Variants in NELL1 observed in about 807,000 individuals in gnomAD.
NELL1 encodes the protein protein kinase C-binding protein NELL1.
NELL1 carries 76 observed loss-of-function variants against 107.4 expected under a neutral mutation model. The observed-to-expected ratio is 0.71, with a 90% confidence interval of 0.59 to 0.86. The LOEUF is 0.86. NELL1 is among the 40% of genes least tolerant of loss of function. NELL1 has a pLI of 0.00. For synonymous variants in NELL1, 353 were observed against 341.2 expected, an observed-to-expected ratio of 1.03 and a Z score of -0.38; for missense variants, 1,024 against 1,005.5, an observed-to-expected ratio of 1.02 and a Z score of -0.25.
chr11:20,956,503 G>A (rs1453555624), intron 11 of NELL1, among the ~76,000 whole-genome samples: 1 of 151,480 alleles, frequency 6.6e-6, no homozygotes, highest in Non-Finnish European at 1.5e-5. Context: ...AAAATTAGCC[G>A]GGCATGGTGG....
chr11:21,486,235 T>G (rs1854628942), intron 15 of NELL1, among the ~76,000 whole-genome samples: 1 of 152,104 alleles, frequency 6.6e-6, no homozygotes, highest in Non-Finnish European at 1.5e-5. Flanking sequence ...CAGACAGGCA[T>G]GCTCAGCTGA....
chr11:21,170,702 G>C (rs927443809), intron 13 of NELL1, among the ~76,000 whole-genome samples: 2 of 44,218 alleles, frequency 4.5e-5, no homozygotes, highest in African/African-American at 1.5e-4. Context: ...TATATATACT[G>C]TATTATATAT....
intron 12 of NELL1, among the ~76,000 whole-genome samples, chr11:21,057,240 A>T (rs1457066837): frequency 6.6e-6 from 1 of 152,100 alleles, no homozygotes; most frequent in African/African-American, 2.4e-5. Flanking sequence ...TTTCTCTGCT[A>T]ATCAAATATA....
At position 21,570,667 on chromosome 11, in the gene NELL1, CA is replaced by C. The variant is rs986513246; in HGVS notation, c.1981-96del. 6 of 1,134,296 alleles carry C rather than the reference CA, an allele frequency of 5.3e-6. No homozygotes were observed. In the South Asian group the frequency reaches 7.3e-5, roughly 14 times the overall value. The allele number at this position is 1,134,296 out of a possible 1,614,324, so 70.3% of individuals were successfully genotyped here. A position where few individuals can be genotyped will look rare whatever the true frequency, so the allele number is the denominator to read the frequency against. On this transcript the variant is annotated intron_variant, in intron 17 of 19. Coordinates refer to ENST00000357134, the MANE Select transcript of NELL1 (RefSeq NM_006157.5). The stretch of plus-strand genomic sequence containing the variant: ...AGTTTTGAACAGAATGAGAGGTGGC[CA>C]GGGGGTGACCAAACATCCAAGAAGT...
intron 16 of NELL1, among the ~76,000 whole-genome samples, chr11:21,537,440 T>C (rs2133974361): frequency 6.6e-6 from 1 of 152,272 alleles, no homozygotes; most frequent in South Asian, 2.1e-4. Context: ...TTTACTGTTC[T>C]CTCTGTCTGG....
intron 13 of NELL1, among the ~76,000 whole-genome samples, chr11:21,138,377 G>C (rs1855791289): frequency 6.6e-6 from 1 of 152,098 alleles, no homozygotes. Flanking sequence ...GCAATAGCCT[G>C]TGCATTTGTA....
rs1850304034 is a variant in NELL1, at chr11:20,918,374, A to G, written c.676+120A>G. The G allele has an allele frequency of 6.3e-6, 4 of 636,948 alleles. No homozygotes were observed. The South Asian group carries it at 7.6e-5, about 12-fold the overall frequency. The allele number at this position is 636,948 out of a possible 1,614,324, so 39.5% of individuals were successfully genotyped here. On this transcript the variant is annotated intron_variant, in intron 6 of 19. Transcript: ENST00000357134. The stretch of plus-strand genomic sequence containing the variant: ...TGTTGACTTCTGAGGTGCTGGAGAT[A>G]GTGAAAGAGAACTTATTATCTACAT...
At chr11:21,299,801 G>A (rs944724040) in intron 14 of NELL1, among the ~76,000 whole-genome samples, 1 of 151,780 alleles carries the variant, frequency 6.6e-6, no homozygotes, top group African/African-American at 2.4e-5. Context: ...TTTATTTATG[G>A]ACATTGTAAT....
intron 2 of NELL1, among the ~76,000 whole-genome samples, chr11:20,711,554 A>G (rs1381558337): frequency 6.6e-6 from 1 of 151,240 alleles, no homozygotes; most frequent in African/African-American, 2.4e-5. Flanking sequence ...TCCTTTTAGC[A>G]TTTCTTGTAG....
At chr11:21,028,094 GT>G (rs1259301710) in intron 12 of NELL1, among the ~76,000 whole-genome samples, 7 of 152,090 alleles carry the variant, frequency 4.6e-5, no homozygotes, top group African/African-American at 1.7e-4. Context: ...AAAACAAAAT[GT>G]AACCATGTAA....
chr11:20,902,700 C>G (rs1849904210), intron 5 of NELL1, among the ~76,000 whole-genome samples: 1 of 151,092 alleles, frequency 6.6e-6, no homozygotes, highest in African/African-American at 2.4e-5. Context: ...TTGGTAATTT[C>G]AAAAACTTGG....
intron 15 of NELL1, among the ~76,000 whole-genome samples, chr11:21,501,989 T>C (rs556374219): frequency 3.7e-4 from 57 of 152,314 alleles, no homozygotes; most frequent in Non-Finnish European, 4.7e-4. Flanking sequence ...GTAGTTACCA[T>C]AGCTTTGAAA....
At chr11:21,495,966 G>A (rs575257869) in intron 15 of NELL1, among the ~76,000 whole-genome samples, 46 of 151,850 alleles carry the variant, frequency 3.0e-4, no homozygotes, top group Non-Finnish European at 4.1e-4. Context: ...GTACCAAGTG[G>A]GTCCACTTTA....
intron 13 of NELL1, among the ~76,000 whole-genome samples, chr11:21,202,304 A>G (rs1857287870): frequency 6.6e-6 from 1 of 152,038 alleles, no homozygotes; most frequent in South Asian, 2.1e-4. Flanking sequence ...CAATTTCAGA[A>G]CTTGTTATTG....
chr11:20,755,565 T>TTTTTTATTTATTTTTA, intron 2 of NELL1, among the ~76,000 whole-genome samples: 1 of 141,930 alleles, frequency 7.0e-6, no homozygotes, highest in East Asian at 2.0e-4. Flanking sequence ...TGTTTTTGTT[T>TTTTTTATTTATTTTTA]TTTTTTTTTT....
intron 14 of NELL1, among the ~76,000 whole-genome samples, chr11:21,363,007 G>A (rs1011453775): frequency 6.6e-6 from 1 of 150,672 alleles, no homozygotes; most frequent in African/African-American, 2.4e-5. Context: ...GGCGAGACCA[G>A]TCTCACTCCC....
chr11:21,337,738 TTCTTTC>T (rs1303951628), intron 14 of NELL1, among the ~76,000 whole-genome samples: 2 of 61,000 alleles, frequency 3.3e-5, no homozygotes, highest in East Asian at 1.4e-3. Context: ...TTTCTTTCCT[TTCTTTC>T]TTTCTTTCTT....
In NELL1 at chr11:20,907,991, A is replaced by G. The variant is rs190846506; in HGVS notation, c.604-10191A>G. Among the ~76,000 whole-genome samples the G allele has an allele frequency of 6.2e-3, 937 of 152,298 alleles. 14 individuals carry two copies. The highest frequency in any genetic ancestry group is 0.022 in the African/African-American group (916 of 41,580). ...GATCATCAGAGAAATGCAAATCAAA[A>G]TGATAATGAGATACCATCTTACGCC... On this transcript the variant is annotated intron_variant, in intron 5 of 19. Coordinates refer to ENST00000357134, the MANE Select transcript of NELL1 (RefSeq NM_006157.5).
intron 13 of NELL1, among the ~76,000 whole-genome samples, chr11:21,191,801 G>A (rs59581780): frequency 0.055 from 8,344 of 151,930 alleles, 943 homozygotes; most frequent in African/African-American, 0.19. Flanking sequence ...ATGAGGACAC[G>A]AGTAACTTCC....
Sources: allele counts gnomAD v4.1 joint callset (sites outside exome capture counted in the v4.1 genomes callset), GRCh38; gene constraint gnomAD v4.1.1; transcripts MANE v1.5; gene names NCBI Gene and HGNC (gene_info 2026-07-23, HGNC 2026-07-21).